Variants in CFAP58 observed in about 807,000 individuals in gnomAD.
CFAP58 encodes the protein cilia and flagella associated protein 58.
Under a neutral mutation model 119.5 loss-of-function variants are expected in CFAP58, and 88 were observed. The observed-to-expected ratio is 0.74, with a 90% CI of 0.62 to 0.88. The LOEUF is 0.88. Among genes scored for constraint, CFAP58 ranks in the 40% least tolerant of loss-of-function variants. The pLI is 0.00. For synonymous variants in CFAP58, 365 were observed against 366.3 expected (o/e 1.00, Z 0.04); for missense variants, 990 against 1,021.2 (o/e 0.97, Z 0.42).
At chr10:104,353,683 G>T (rs1354558852), upstream of CFAP58, 4 of 545,414 alleles carry the variant, frequency 7.3e-6, no homozygotes, top group Non-Finnish European at 1.3e-5. Context: ...CTGCCCAGGT[G>T]CCAGCCGCAG....
At chr10:104,435,153 A>T (rs771706456) in intron 15 of CFAP58, among the ~76,000 whole-genome samples, 1 of 152,214 alleles carries the variant, frequency 6.6e-6, no homozygotes, top group Admixed American at 6.5e-5. Context: ...AGATGGTTGG[A>T]TGAATGAATG....
the CFAP58 span, among the ~76,000 whole-genome samples, chr10:104,338,912 T>G: frequency 2.0e-5 from 3 of 151,896 alleles, no homozygotes; most frequent in Non-Finnish European, 2.9e-5. Flanking sequence ...CTACCGTTTT[T>G]TTTTTTTTTT....
intron 3 of CFAP58, among the ~76,000 whole-genome samples, chr10:104,364,495 G>A (rs1373572641): frequency 6.7e-6 from 1 of 150,218 alleles, no homozygotes; most frequent in East Asian, 2.0e-4. Context: ...AATAGACATT[G>A]TATTTTCTTA....
intron 9 of CFAP58, among the ~76,000 whole-genome samples, chr10:104,383,737 T>C (rs1487591404): frequency 7.4e-6 from 1 of 135,728 alleles, no homozygotes; most frequent in Non-Finnish European, 1.6e-5. Flanking sequence ...CATATTTCTT[T>C]CTTTCTTTAC....
chr10:104,427,418 A>AT (rs1302410070), intron 15 of CFAP58, among the ~76,000 whole-genome samples: 2 of 151,836 alleles, frequency 1.3e-5, no homozygotes, highest in Non-Finnish European at 2.9e-5. Context: ...CAATTTATAA[A>AT]TTTTTTTTTC....
chr10:104,362,001 T>G lies in CFAP58; in HGVS notation c.292-22T>G, dbSNP rs183033081. The G allele has an allele frequency of 2.4e-4, 383 of 1,607,222 alleles. 1 individual carries two copies. The African/African-American group carries it at 4.4e-3, about 19-fold the overall frequency. ...TAGAATCCAGTTTGGTCTTTCTCACTGATATCCTATGGCCCATCTAGGAAA... is the reference window on the plus strand; with the variant it reads ...TAGAATCCAGTTTGGTCTTTCTCACGGATATCCTATGGCCCATCTAGGAAA... On this transcript the variant is annotated intron_variant, in intron 2 of 17. Transcript: ENST00000369704.
intron 15 of CFAP58, among the ~76,000 whole-genome samples, chr10:104,426,453 C>T (rs1483635133): frequency 1.3e-5 from 2 of 151,400 alleles, no homozygotes; most frequent in Admixed American, 6.6e-5. Context: ...CCATCATCCT[C>T]TCTCCCTCCC....
rs7087328 is a variant in CFAP58 at position 104,450,106 on chromosome 10, G to T, written c.2412G>T (p.Gln804His). 5.4e-3 allele frequency: 8,769 copies of T among 1,612,476 alleles called. 439 individuals are homozygous for T. The African/African-American group carries it at 0.1, about 19-fold the overall frequency. Residue 804 changes from glutamine (Q) to histidine (H), a missense_variant, in exon 17 of 18, where the codon CAG becomes CAT. Coordinates refer to ENST00000369704, the MANE Select transcript of CFAP58 (RefSeq NM_001008723.2). ...CAGAATTGAATATGTATGAAGTACA[G>T]AGCAAAGAATATAAATATGAGGTAG... ...LSSELNMYEVQSKEYKYEVEK... is the reference protein window; with the variant it reads ...LSSELNMYEVHSKEYKYEVEK...
intron 15 of CFAP58, among the ~76,000 whole-genome samples, chr10:104,440,665 A>G (rs1171960544): frequency 1.3e-5 from 2 of 152,258 alleles, no homozygotes; most frequent in Non-Finnish European, 2.9e-5. Flanking sequence ...CGGTATTCAG[A>G]TAAATTTAAG....
chr10:104,381,101 G>A (rs780794167), intron 9 of CFAP58, among the ~76,000 whole-genome samples: 32 of 152,198 alleles, frequency 2.1e-4, no homozygotes, highest in Non-Finnish European at 3.4e-4. Flanking sequence ...AGTGAGCTGT[G>A]GTTGCAGCAC....
intron 15 of CFAP58, among the ~76,000 whole-genome samples, chr10:104,414,681 T>G (rs1189140553): frequency 1.3e-5 from 2 of 152,260 alleles, no homozygotes; most frequent in South Asian, 2.1e-4. Flanking sequence ...TTTATTTTTA[T>G]TTTTTTGAGA....
At chr10:104,353,756 G>C, upstream of CFAP58, 1 of 901,208 alleles carries the variant, frequency 1.1e-6, no homozygotes. Flanking sequence ...GCCAGGCGAC[G>C]GGCCGACGCG....
chr10:104,353,151 A>C (rs76030916), upstream of CFAP58: 187 of 152,174 alleles, frequency 1.2e-3, no homozygotes, highest in Non-Finnish European at 2.4e-3. Context: ...CAGAAGGGGG[A>C]GAAGAGGGCG....
intron 15 of CFAP58, among the ~76,000 whole-genome samples, chr10:104,433,977 C>T (rs1188597472): frequency 6.6e-6 from 1 of 152,210 alleles, no homozygotes; most frequent in Non-Finnish European, 1.5e-5. Context: ...ACTTCAAATA[C>T]TTTGCTTTGC....
chr10:104,404,886 C>T (rs2012333209), intron 14 of CFAP58, among the ~76,000 whole-genome samples: 1 of 152,194 alleles, frequency 6.6e-6, no homozygotes, highest in Admixed American at 6.5e-5. Flanking sequence ...CGTGAGCCAC[C>T]ACGCCCAGGC....
intron 1 of CFAP58, among the ~76,000 whole-genome samples, chr10:104,358,108 TAC>T (rs1171858543): frequency 6.7e-6 from 1 of 150,346 alleles, no homozygotes; most frequent in Non-Finnish European, 1.5e-5. Flanking sequence ...TGTACATATA[TAC>T]ACATATATAT....
chr10:104,406,654 A>G, intron 14 of CFAP58, 35 bp from the exon 15 acceptor site: 1 of 1,534,366 alleles, frequency 6.5e-7, no homozygotes, highest in Non-Finnish European at 9.0e-7. Flanking sequence ...GAAGCTGATG[A>G]TATCTCAGCT....
At chr10:104,432,321 A>T (rs529414965) in intron 15 of CFAP58, among the ~76,000 whole-genome samples, 9 of 152,394 alleles carry the variant, frequency 5.9e-5, no homozygotes, top group African/African-American at 1.9e-4. Flanking sequence ...GGTAGAGATA[A>T]TAAGCAAACA....
upstream of CFAP58, chr10:104,353,762 AC>A (rs1379387819): frequency 3.2e-5 from 32 of 1,012,632 alleles, no homozygotes; most frequent in Admixed American, 7.5e-4. Context: ...CGACGGGCCG[AC>A]GCGCCGAGCG....
Sources: gnomAD v4.1 joint callset for allele counts (sites outside exome capture counted in the v4.1 genomes callset) on GRCh38, gnomAD v4.1.1 for gene constraint, MANE v1.5 for transcripts, NCBI Gene and HGNC (gene_info 2026-07-23, HGNC 2026-07-21) for gene names.